The following ZNF385D variants were observed in gnomAD, a reference collection of about 807,000 sequenced individuals.
ZNF385D encodes zinc finger protein 385D.
In ZNF385D, 15 loss-of-function variants were observed where a neutral mutation model predicts 35.8. That is an observed-to-expected ratio of 0.42 (90% CI 0.28 to 0.64). The LOEUF is 0.64. Ranked by LOEUF, ZNF385D falls within the 30% of genes least tolerant of loss-of-function variation. The pLI, the probability that ZNF385D is intolerant of heterozygous loss-of-function variation, is 0.23. For missense variants in ZNF385D, 474 were observed against 494.6 expected (o/e 0.96, Z 0.39); for synonymous variants, 212 against 186.8 (o/e 1.13, Z -1.10).
intron 3 of ZNF385D, among the ~76,000 whole-genome samples, chr3:21,789,746 C>T (rs2125656924): frequency 6.6e-6 from 1 of 152,186 alleles, no homozygotes; most frequent in South Asian, 2.1e-4. Context: ...AAATTAAATA[C>T]TAAACAAAGA....
intron 4 of ZNF385D, among the ~76,000 whole-genome samples, chr3:21,489,862 C>T (rs936748346): frequency 6.6e-6 from 1 of 152,006 alleles, no homozygotes; most frequent in African/African-American, 2.4e-5. Flanking sequence ...AAGGGCATAC[C>T]AATCTTCTGG....
At chr3:22,108,472 T>C (rs1702344252) in intron 3 of ZNF385D, among the ~76,000 whole-genome samples, 2 of 152,104 alleles carry the variant, frequency 1.3e-5, no homozygotes, top group African/African-American at 2.4e-5. Flanking sequence ...ATTAAAAGAT[T>C]TGAATGAGTG....
intron 3 of ZNF385D, among the ~76,000 whole-genome samples, chr3:22,031,732 A>G (rs1314876320): frequency 6.6e-6 from 1 of 152,058 alleles, no homozygotes; most frequent in Non-Finnish European, 1.5e-5. Context: ...ACTTATGCAA[A>G]TATCTGCAGC....
chr3:21,722,943 C>A (rs1210391532), intron 1 of ZNF385D, among the ~76,000 whole-genome samples: 1 of 152,146 alleles, frequency 6.6e-6, no homozygotes, highest in East Asian at 1.9e-4. Context: ...TCAATTAGTT[C>A]CCTGGCTCGG....
chr3:22,321,042 GCTC>G (rs1274168084), intron 2 of ZNF385D, among the ~76,000 whole-genome samples: 1 of 151,662 alleles, frequency 6.6e-6, no homozygotes, highest in Non-Finnish European at 1.5e-5. Context: ...ATACATGCAA[GCTC>G]CTAATTTTTA....
At chr3:21,507,130 T>G (rs1404353572) in intron 4 of ZNF385D, among the ~76,000 whole-genome samples, 2 of 152,178 alleles carry the variant, frequency 1.3e-5, no homozygotes, top group Non-Finnish European at 2.9e-5. Flanking sequence ...ATCAAAATTG[T>G]CTTTATATCA....
intron 3 of ZNF385D, among the ~76,000 whole-genome samples, chr3:21,962,532 G>A (rs976313598): frequency 1.3e-5 from 2 of 152,210 alleles, no homozygotes; most frequent in Admixed American, 1.3e-4. Flanking sequence ...CATTTTAAAA[G>A]CTTTGTAGAG....
At chr3:21,753,022 A>G (rs74423810), upstream of ZNF385D, among the ~76,000 whole-genome samples, 4,259 of 152,254 alleles carry the variant, frequency 0.028, 105 homozygotes, top group Non-Finnish European at 0.038. Flanking sequence ...AGATGCAAGC[A>G]TTGAGAGTTG....
intron 2 of ZNF385D, among the ~76,000 whole-genome samples, chr3:21,626,783 G>C (rs1388407177): frequency 2.6e-5 from 4 of 152,024 alleles, no homozygotes; most frequent in Non-Finnish European, 5.9e-5. Context: ...ATATTTGAAG[G>C]CAGAATAGGG....
intron 3 of ZNF385D, among the ~76,000 whole-genome samples, chr3:21,552,667 A>G (rs747416507): frequency 1.3e-5 from 2 of 152,206 alleles, no homozygotes; most frequent in Non-Finnish European, 2.9e-5. Context: ...ATATAGACCA[A>G]AGAAACTGCA....
chr3:21,806,458 G>A (rs975849827), intron 3 of ZNF385D, among the ~76,000 whole-genome samples: 10 of 151,982 alleles, frequency 6.6e-5, no homozygotes, highest in Admixed American at 4.6e-4. Flanking sequence ...ACCCACCTCG[G>A]CCTCCCAGAG....
intron 4 of ZNF385D, among the ~76,000 whole-genome samples, chr3:21,487,974 G>A (rs1397214997): frequency 6.6e-6 from 1 of 152,032 alleles, no homozygotes; most frequent in Non-Finnish European, 1.5e-5. Flanking sequence ...AATTTCTTTA[G>A]TTGTTAAAAT....
chr3:22,302,826 G>C (rs1479287345), intron 2 of ZNF385D, among the ~76,000 whole-genome samples: 3 of 151,848 alleles, frequency 2.0e-5, no homozygotes, highest in African/African-American at 4.8e-5. Context: ...AGTTACGTAA[G>C]ATTTGTATTT....
At chr3:21,793,724 C>T (rs930275276) in intron 3 of ZNF385D, among the ~76,000 whole-genome samples, 6 of 152,154 alleles carry the variant, frequency 3.9e-5, no homozygotes, top group Admixed American at 1.3e-4. Flanking sequence ...GTTCTGTGCT[C>T]GGGTCACTCA....
intron 3 of ZNF385D, among the ~76,000 whole-genome samples, chr3:21,783,970 T>A (rs938177412): frequency 5.3e-5 from 8 of 152,086 alleles, no homozygotes; most frequent in African/African-American, 1.9e-4. Context: ...GTGGCAGAGA[T>A]TTCTTTTTTC....
chr3:21,993,800 T>G (rs973903399), intron 3 of ZNF385D, among the ~76,000 whole-genome samples: 1 of 152,202 alleles, frequency 6.6e-6, no homozygotes, highest in African/African-American at 2.4e-5. Flanking sequence ...AGACCACATA[T>G]AGCGTCCTTA....
intron 3 of ZNF385D, among the ~76,000 whole-genome samples, chr3:21,773,017 C>G (rs1408029437): frequency 6.6e-6 from 1 of 151,560 alleles, no homozygotes; most frequent in Non-Finnish European, 1.5e-5. Flanking sequence ...ATCATAGAGA[C>G]AGTAAGTAGA....
intron 2 of ZNF385D, among the ~76,000 whole-genome samples, chr3:21,566,672 A>G (rs1367378322): frequency 2.6e-5 from 4 of 152,068 alleles, no homozygotes; most frequent in African/African-American, 4.8e-5. Flanking sequence ...ATTCTATAAT[A>G]TTTTCTTTTT....
intron 3 of ZNF385D, among the ~76,000 whole-genome samples, chr3:21,981,445 C>T (rs1196933705): frequency 6.6e-6 from 1 of 151,938 alleles, no homozygotes; most frequent in Non-Finnish European, 1.5e-5. Context: ...TTTTAAGTTC[C>T]TTATAGATGC....
Sources: gnomAD v4.1 joint callset for allele counts (sites outside exome capture counted in the v4.1 genomes callset) on GRCh38, gnomAD v4.1.1 for gene constraint, MANE v1.5 for transcripts, NCBI Gene and HGNC (gene_info 2026-07-23, HGNC 2026-07-21) for gene names.